Variants in GRM7 observed in about 807,000 individuals in gnomAD.
The protein encoded by GRM7 is glutamate metabotropic receptor 7.
In GRM7, 35 loss-of-function variants were observed where a neutral mutation model predicts 84.5. That is an observed-to-expected ratio of 0.41 (90% confidence interval 0.32 to 0.55). GRM7 has a LOEUF of 0.55. Among genes scored for constraint, GRM7 ranks in the 20% least tolerant of loss-of-function variants. GRM7 has a pLI of 0.19. For missense variants in GRM7, 1,003 were observed against 1,194.6 expected (o/e 0.84, Z 2.36); for synonymous variants, 487 against 455.1 (o/e 1.07, Z -0.89).
In GRM7 at chr3:7,486,805, G is replaced by A. The variant is rs529639288; in HGVS notation, c.1515+25083G>A. Reference sequence around the variant, plus strand: ...AAGAAAATGGATGCTGGGAAGTGGAGTTGTTGCTATGCCTGAAAATGTAGA... The same window carrying A: ...AAGAAAATGGATGCTGGGAAGTGGAATTGTTGCTATGCCTGAAAATGTAGA... On this transcript the variant is annotated intron_variant, in intron 7 of 9. Coordinates refer to ENST00000357716, the MANE Select transcript of GRM7 (RefSeq NM_000844.4). The surrounding 1 kb of genome is among the most constrained non-coding windows in gnomAD (Gnocchi z 5.5). Among the ~76,000 whole-genome samples the A allele has an allele frequency of 1.3e-5, 2 of 152,306 alleles. No individual in the cohort carries two copies. Among genetic ancestry groups the A allele is most frequent in the South Asian group, 4.1e-4 (2 of 4,832 alleles).
At chr3:7,366,531 G>C (rs985886547) in intron 4 of GRM7, among the ~76,000 whole-genome samples, 3 of 151,738 alleles carry the variant, frequency 2.0e-5, no homozygotes, top group African/African-American at 7.2e-5. Flanking sequence ...TTGGAAATTG[G>C]TATTTTCTTA....
intron 9 of GRM7, among the ~76,000 whole-genome samples, chr3:7,712,446 T>G (rs1701613560): frequency 6.6e-6 from 1 of 151,848 alleles, no homozygotes; most frequent in African/African-American, 2.4e-5. Context: ...TTCTCTCTCT[T>G]ACCCTTGCAC....
intron 1 of GRM7, among the ~76,000 whole-genome samples, chr3:7,103,790 CTTTCTT>C (rs1559443486): frequency 2.7e-5 from 3 of 111,492 alleles, no homozygotes; most frequent in African/African-American, 5.0e-5. Context: ...TTCTTTCTTT[CTTTCTT>C]TCTTTCTTTC....
chr3:7,063,812 T>G (rs1697520787), intron 1 of GRM7, among the ~76,000 whole-genome samples: 1 of 151,704 alleles, frequency 6.6e-6, no homozygotes, highest in Non-Finnish European at 1.5e-5. Flanking sequence ...TTTCTCCCCA[T>G]CTGAGTCTGC....
Position 7,726,613 on chromosome 3 carries a change from CTATATATATATATATATATATATA to C in GRM7, c.2699-13715_2699-13692del, listed in dbSNP as rs56250356. The stretch of plus-strand genomic sequence containing the variant: ...TCATTTTCTCCGTCTCTCTCTCCCT[CTATATATATATATATATATATATA>C]TATATATATATATATATATATATAT... On this transcript the variant is annotated intron_variant, in intron 9 of 9. Transcript: ENST00000357716. 5.2e-3 allele frequency among the ~76,000 whole-genome samples: 300 copies of C among 58,104 alleles called. 10 individuals are homozygous for C. The highest frequency in any genetic ancestry group is 0.037 in the East Asian group (60 of 1,624). 38.1% of individuals were successfully genotyped at this position (58,104 alleles called of 152,430 possible). A position where few individuals can be genotyped will look rare whatever the true frequency, so the allele number is the denominator to read the frequency against.
chr3:7,407,880 T>C (rs1042751582), intron 4 of GRM7, among the ~76,000 whole-genome samples: 6 of 152,198 alleles, frequency 3.9e-5, no homozygotes, highest in African/African-American at 1.4e-4. Context: ...AATTTTTTGT[T>C]ATTGTTCTCT....
At chr3:7,715,531 A>G (rs1238155294) in intron 9 of GRM7, among the ~76,000 whole-genome samples, 1 of 152,212 alleles carries the variant, frequency 6.6e-6, no homozygotes, top group Non-Finnish European at 1.5e-5. Context: ...ACATACTAAT[A>G]GTGAGTGCTT....
At chr3:7,064,479 T>TATATATATATATATATATATATAC in intron 1 of GRM7, among the ~76,000 whole-genome samples, 8 of 99,376 alleles carry the variant, frequency 8.1e-5, no homozygotes, top group African/African-American at 3.1e-4. Context: ...TATATATATA[T>TATATATATATATATATATATATAC]ACACACATAT....
At chr3:7,121,608 C>T (rs1385239826) in intron 1 of GRM7, among the ~76,000 whole-genome samples, 2 of 152,096 alleles carry the variant, frequency 1.3e-5, no homozygotes, top group Non-Finnish European at 2.9e-5. Context: ...TTCTATCTCC[C>T]TCTTGGTCTA....
rs79607405 is a variant in GRM7 at position 7,098,746 on chromosome 3, G to A, written c.520-47706G>A. ...GATGATGGATAATAACCATATGAGG[G>A]ACTCCATTTGTTTCTACTGCAAGGT... On this transcript the variant is annotated intron_variant, in intron 1 of 9. Transcript: ENST00000357716. Among the ~76,000 whole-genome samples the A allele has an allele frequency of 3.3e-3, 497 of 152,028 alleles. 5 individuals are homozygous for A. Among genetic ancestry groups the A allele is most frequent in the African/African-American group, 0.011 (468 of 41,510 alleles).
chr3:7,496,028 G>A lies in GRM7; in HGVS notation c.1515+34306G>A, dbSNP rs1453908668. Among the ~76,000 whole-genome samples, 8 of 152,282 alleles carry A rather than the reference G, an allele frequency of 5.3e-5. No homozygotes were observed. In the East Asian group the frequency reaches 1.5e-3, roughly 29 times the overall value. On this transcript the variant is annotated intron_variant, in intron 7 of 9. Transcript: ENST00000357716. ...CCACCTTTTTCCTCTATCAAGTGAT[G>A]CCCAATATTTTATCCATGAAACTCA...
At chr3:7,336,384 G>T (rs1485889484) in intron 4 of GRM7, among the ~76,000 whole-genome samples, 3 of 151,838 alleles carry the variant, frequency 2.0e-5, no homozygotes, top group Non-Finnish European at 4.4e-5. Flanking sequence ...GCATAGAAGG[G>T]ACATACCTTA....
intron 7 of GRM7, among the ~76,000 whole-genome samples, chr3:7,495,812 A>C (rs1288018212): frequency 6.6e-6 from 1 of 152,190 alleles, no homozygotes; most frequent in Non-Finnish European, 1.5e-5. Flanking sequence ...ATAGGGGAAC[A>C]CAAGTAGCCT....
intron 7 of GRM7, among the ~76,000 whole-genome samples, chr3:7,562,093 C>T (rs73116055): frequency 0.012 from 1,868 of 152,260 alleles, 41 homozygotes; most frequent in African/African-American, 0.041. Flanking sequence ...TTGGATAGCA[C>T]ATGCTTGAAT....
chr3:7,246,959 C>T (rs978188058), intron 2 of GRM7, among the ~76,000 whole-genome samples: 18 of 152,090 alleles, frequency 1.2e-4, no homozygotes, highest in East Asian at 3.9e-4. Context: ...ATCGGCATAA[C>T]GATGAGAAAA....
chr3:7,338,264 A>T (rs895817100), intron 4 of GRM7, among the ~76,000 whole-genome samples: 1 of 152,118 alleles, frequency 6.6e-6, no homozygotes, highest in South Asian at 2.1e-4. Flanking sequence ...CAAACATTCT[A>T]TATTCTCACC....
chr3:7,569,119 A>T (rs901457088), intron 7 of GRM7, among the ~76,000 whole-genome samples: 85 of 152,268 alleles, frequency 5.6e-4, no homozygotes, highest in African/African-American at 1.5e-3. Context: ...AAATACACCT[A>T]TCAGCACTCT....
intron 8 of GRM7, among the ~76,000 whole-genome samples, chr3:7,599,216 G>A (rs1696194555): frequency 6.6e-6 from 1 of 152,068 alleles, no homozygotes; most frequent in African/African-American, 2.4e-5. Context: ...TTTACATATT[G>A]ACGTTTCCAT....
chr3:7,043,220 C>T (rs1187537097), intron 1 of GRM7, among the ~76,000 whole-genome samples: 1 of 152,150 alleles, frequency 6.6e-6, no homozygotes, highest in African/African-American at 2.4e-5. Flanking sequence ...CAGTGGTCAG[C>T]CATATATTGA....
Sources: allele counts gnomAD v4.1 joint callset (sites outside exome capture counted in the v4.1 genomes callset), GRCh38; gene constraint gnomAD v4.1.1; non-coding constraint Gnocchi (gnomAD v3.1); transcripts MANE v1.5; gene names NCBI Gene and HGNC (gene_info 2026-07-23, HGNC 2026-07-21).